DNAH7: variants seen among roughly 807,000 people sequenced by gnomAD.
DNAH7 encodes dynein axonemal heavy chain 7, also known as axonemal beta dynein heavy chain 7.
In DNAH7, 397 loss-of-function variants were observed where a neutral mutation model predicts 444.6. The ratio of observed to expected loss-of-function variants is 0.89; its 90% CI spans 0.82 to 0.97. The LOEUF is 0.97. DNAH7 is among the 50% of genes least tolerant of loss of function. DNAH7 has a pLI of 0.00. For synonymous variants in DNAH7, 1,636 were observed against 1,624.4 expected, an observed-to-expected ratio of 1.01 and a Z score of -0.17; for missense variants, 4,902 against 4,800.8, an observed-to-expected ratio of 1.02 and a Z score of -0.62.
At chr2:195,857,330 A>G (rs765829682) in intron 44 of DNAH7, 47 bp downstream of exon 44, 2 of 1,437,746 alleles carry the variant, frequency 1.4e-6, no homozygotes, top group South Asian at 2.8e-5. Flanking sequence ...ACTGACCAGA[A>G]GTGAAGACAG....
chr2:195,938,499 A>G (rs1030732815), intron 19 of DNAH7, among the ~76,000 whole-genome samples: 1 of 150,036 alleles, frequency 6.7e-6, no homozygotes, highest in Admixed American at 6.7e-5. Context: ...TGGGGAAAAA[A>G]GCTGAATTGT....
At position 195,737,936 on chromosome 2, in the gene DNAH7, A is replaced by T. The variant is rs1377443495; in HGVS notation, c.12060T>A (p.Cys4020Ter). 3 of 1,613,828 alleles carry T rather than the reference A, an allele frequency of 1.9e-6. No individual in the cohort carries two copies. Among genetic ancestry groups the T allele is most frequent in the African/African-American group, 2.7e-5 (2 of 74,920 alleles). ...HWIGRGVALL[C>*]QLNS ...TGTCTTCTGGTTATGAATTAAGTTG[A>T]CATAACAGTGCTACACCTCGTCCAA... Residue 4020 changes from cysteine (C) to a stop codon, truncating the protein, a stop_gained, in exon 65 of 65, where the codon TGT (cysteine) becomes TGA (stop). Coordinates refer to ENST00000312428, the MANE Select transcript of DNAH7 (RefSeq NM_018897.3). LOFTEE classifies it high-confidence loss of function.
chr2:195,896,271 A>G (rs546056558), intron 29 of DNAH7, among the ~76,000 whole-genome samples: 8 of 151,758 alleles, frequency 5.3e-5, no homozygotes, highest in African/African-American at 1.9e-4. Flanking sequence ...GTATTTTCCA[A>G]TGAGTAACTT....
intron 48 of DNAH7, among the ~76,000 whole-genome samples, chr2:195,825,679 G>C (rs1038893050): frequency 6.6e-6 from 1 of 152,180 alleles, no homozygotes; most frequent in Non-Finnish European, 1.5e-5. Flanking sequence ...TGATATCTTT[G>C]CTGAGTAAAG....
chr2:195,879,343 AT>A (rs1490388025), intron 36 of DNAH7, among the ~76,000 whole-genome samples: 1 of 152,182 alleles, frequency 6.6e-6, no homozygotes, highest in East Asian at 1.9e-4. Context: ...AAAGGGGACA[AT>A]TAATAGAGTA....
At chr2:195,893,939 T>TA (rs1466782606) in intron 30 of DNAH7, 1 of 148,858 alleles carries the variant, frequency 6.7e-6, no homozygotes, top group Non-Finnish European at 1.5e-5. Flanking sequence ...CCTATGACAA[T>TA]AAAATAACAA....
chr2:195,868,674 G>GT (rs921698749), intron 40 of DNAH7, among the ~76,000 whole-genome samples: 1 of 149,942 alleles, frequency 6.7e-6, no homozygotes, highest in Admixed American at 6.7e-5. Context: ...TTTGGATGGT[G>GT]TTTTTTGAAG....
intron 6 of DNAH7, 38 bp from the exon 7 acceptor site, chr2:196,026,978 A>C (rs1431312196): frequency 6.8e-7 from 1 of 1,474,300 alleles, no homozygotes; most frequent in East Asian, 2.3e-5. Flanking sequence ...GATGTTTAAC[A>C]AAAGAAGTAT....
chr2:195,994,944 T>G (rs1231148593), intron 12 of DNAH7: 1 of 293,178 alleles, frequency 3.4e-6, no homozygotes, highest in Non-Finnish European at 6.6e-6. Flanking sequence ...CTTCTTCCTT[T>G]TCTTTAGACA....
At chr2:195,897,790 G>A (rs747546887) in intron 28 of DNAH7, 25 bp from the exon 29 acceptor site, 1 of 1,234,612 alleles carries the variant, frequency 8.1e-7, no homozygotes, top group Non-Finnish European at 1.2e-6. Context: ...AAAAACTCAT[G>A]AGGATATCTG....
intron 57 of DNAH7, among the ~76,000 whole-genome samples, chr2:195,792,436 C>T (rs936860578): frequency 4.4e-5 from 6 of 135,240 alleles, no homozygotes; most frequent in East Asian, 2.3e-4. Context: ...CACACACACA[C>T]ATTAAAAAAA....
At position 196,068,813 on chromosome 2, in the gene DNAH7, A is replaced by G. The variant is rs1698579046; in HGVS notation, c.-102T>C. On this transcript the variant is annotated 5_prime_UTR_variant, in exon 1 of 65. Transcript: ENST00000312428. ...GGGCCCCGGGACTTGCAGCGGTCTC[A>G]GCTCCCTCCGCACCAGAGCCGTCTA... 1 of 1,454,770 alleles carries G rather than the reference A, an allele frequency of 6.9e-7. No individual in the cohort carries two copies. The highest frequency in any genetic ancestry group is 2.1e-5 in the Admixed American group (1 of 47,940). The allele number at this position is 1,454,770 out of a possible 1,614,324, so 90.1% of individuals were successfully genotyped here. A position where few individuals can be genotyped will look rare whatever the true frequency, so the allele number is the denominator to read the frequency against.
intron 10 of DNAH7, 130 bp from the exon 11 acceptor site, chr2:196,001,988 C>G (rs1694065403): frequency 3.3e-6 from 2 of 605,106 alleles, no homozygotes; most frequent in African/African-American, 3.8e-5. Flanking sequence ...TGATATTACC[C>G]ACTCTCCGAA....
rs189710077 is a variant in DNAH7, at chr2:196,036,168, A to T, written c.399-8121T>A. On this transcript the variant is annotated intron_variant, in intron 5 of 64. Coordinates refer to ENST00000312428, the MANE Select transcript of DNAH7 (RefSeq NM_018897.3). ...TGCCTCAGCCTCCCAAGTAGCTGGA[A>T]CTACAGGTGCCCGCCACCATGCCCA... Among the ~76,000 whole-genome samples the T allele has an allele frequency of 3.9e-5, 6 of 152,018 alleles. No homozygotes were observed. The East Asian group carries it at 1.2e-3, about 29-fold the overall frequency.
intron 42 of DNAH7, 99 bp from the exon 43 acceptor site, chr2:195,858,903 CAT>C (rs1209426396): frequency 2.0e-6 from 2 of 982,270 alleles, no homozygotes; most frequent in South Asian, 3.3e-5. Context: ...TTTTTCAAGA[CAT>C]AACTACGGAG....
intron 61 of DNAH7, among the ~76,000 whole-genome samples, chr2:195,764,600 T>C (rs1694488901): frequency 6.6e-6 from 1 of 151,898 alleles, no homozygotes; most frequent in African/African-American, 2.4e-5. Flanking sequence ...GAGTGAACAA[T>C]CTGAAAAGGA....
At chr2:195,941,619 C>T (rs1689456221) in intron 19 of DNAH7, among the ~76,000 whole-genome samples, 2 of 151,932 alleles carry the variant, frequency 1.3e-5, no homozygotes, top group Non-Finnish European at 2.9e-5. Context: ...GTTTTGTATA[C>T]TTAATGGAAT....
chr2:195,828,267 CAT>C (rs1294592394), intron 48 of DNAH7, among the ~76,000 whole-genome samples: 1 of 152,128 alleles, frequency 6.6e-6, no homozygotes, highest in Admixed American at 6.5e-5. Context: ...AAATAAGTTT[CAT>C]AGGTTGAAAC....
At chr2:196,053,016 A>C (rs1354128263) in intron 2 of DNAH7, among the ~76,000 whole-genome samples, 1 of 140,250 alleles carries the variant, frequency 7.1e-6, no homozygotes, top group Non-Finnish European at 1.5e-5. Context: ...CCCTCTGCTT[A>C]TGGAGTACAC....
Sources: allele counts gnomAD v4.1 joint callset (sites outside exome capture counted in the v4.1 genomes callset), GRCh38; gene constraint gnomAD v4.1.1; transcripts MANE v1.5; gene names NCBI Gene and HGNC (gene_info 2026-07-23, HGNC 2026-07-21).